TAFA4: variants seen among roughly 807,000 people sequenced by gnomAD.
TAFA4 encodes TAFA chemokine like family member 4.
In TAFA4, 20 loss-of-function variants were observed where a neutral mutation model predicts 21.1. The observed-to-expected ratio is 0.95, with a 90% confidence interval of 0.67 to 1.38. TAFA4 has a LOEUF of 1.38. Ranked by LOEUF, TAFA4 falls within the 40% of genes most tolerant of loss-of-function variation. TAFA4 has a pLI of 0.00. For synonymous variants in TAFA4, 71 were observed against 67.4 expected, an observed-to-expected ratio of 1.05 and a Z score of -0.26; for missense variants, 211 against 180.9, an observed-to-expected ratio of 1.17 and a Z score of -0.95.
Position 68,752,997 on chromosome 3 carries a change from C to T in TAFA4, c.152G>A (p.Gly51Glu). 6.2e-7 allele frequency: 1 copy of T among 1,613,656 alleles called. No individual in the cohort carries two copies. Among genetic ancestry groups the T allele is most frequent in the East Asian group, 2.2e-5 (1 of 44,838 alleles). The change falls in exon 4 of 6, where the codon GGG becomes GAG. Residue 51 changes from glycine (G) to glutamate (E), a missense_variant. Physicochemically the swap from Gly to Glu is moderately conservative, Grantham distance 98. Transcript: ENST00000295569. ...GHAGHHQIKQ[G>E]TCEVVAVHRC... ...GTGCACGGCGACCACCTCACAGGTC[C>T]CTTGCTTGATTTGGTGGTGACCTAG...
intron 3 of TAFA4, among the ~76,000 whole-genome samples, chr3:68,806,793 C>A (rs565274015): frequency 6.6e-6 from 1 of 152,112 alleles, no homozygotes; most frequent in South Asian, 2.1e-4. Flanking sequence ...GAGAAAAAAA[C>A]AAGAAGTCTG....
At chr3:68,846,302 G>A (rs368281618) in intron 3 of TAFA4, among the ~76,000 whole-genome samples, 29 of 151,720 alleles carry the variant, frequency 1.9e-4, no homozygotes, top group Middle Eastern at 6.8e-3. Flanking sequence ...CTGCTTGATT[G>A]ATTCAGCTAT....
intron 3 of TAFA4, among the ~76,000 whole-genome samples, chr3:68,798,722 G>C (rs1703507100): frequency 2.0e-5 from 3 of 152,224 alleles, no homozygotes; most frequent in African/African-American, 4.8e-5. Flanking sequence ...GATATATTCG[G>C]AGTTGAGCTA....
chr3:68,825,241 C>T (rs1374084364), intron 3 of TAFA4, among the ~76,000 whole-genome samples: 1 of 152,122 alleles, frequency 6.6e-6, no homozygotes, highest in South Asian at 2.1e-4. Context: ...TTTTTCTGTT[C>T]CTGTGTTAGT....
At chr3:68,740,825 T>C (rs1024910804) in intron 4 of TAFA4, among the ~76,000 whole-genome samples, 1 of 152,222 alleles carries the variant, frequency 6.6e-6, no homozygotes. Context: ...CTTTTCCATG[T>C]GGTTTAAGTC....
At chr3:68,882,787 C>T (rs1305945943) in intron 2 of TAFA4, among the ~76,000 whole-genome samples, 2 of 152,174 alleles carry the variant, frequency 1.3e-5, no homozygotes. Flanking sequence ...TTCTTTGCCA[C>T]CTTTCAAGCT....
intron 1 of TAFA4, among the ~76,000 whole-genome samples, chr3:68,913,093 G>C (rs1357792174): frequency 6.6e-6 from 1 of 152,186 alleles, no homozygotes; most frequent in African/African-American, 2.4e-5. Context: ...ACTTTCAGCT[G>C]CTAATTCATT....
intron 3 of TAFA4, among the ~76,000 whole-genome samples, chr3:68,871,538 G>C (rs948880406): frequency 8.5e-5 from 13 of 152,052 alleles, no homozygotes; most frequent in Admixed American, 7.9e-4. Flanking sequence ...TTTTTAGTAA[G>C]ACTTTGAAAG....
Position 68,803,797 on chromosome 3 carries a change from C to CTTTTTTTTTTTTTT in TAFA4, c.131-50793_131-50780dup, listed in dbSNP as rs386396961. On this transcript the variant is annotated intron_variant, in intron 3 of 5. Transcript: ENST00000295569. ...TTTAAGGGTCTCTACATCTCTGATT[C>CTTTTTTTTTTTTTT]TTTTTTTTTTTTTTTTTTTTTTTGT... Among the ~76,000 whole-genome samples the CTTTTTTTTTTTTTT allele has an allele frequency of 4.5e-4, 37 of 81,594 alleles. 2 individuals carry two copies. The highest frequency in any genetic ancestry group is 9.2e-4 in the East Asian group (2 of 2,170). 53.5% of individuals were successfully genotyped at this position (81,594 alleles called of 152,430 possible).
chr3:68,794,741 T>C (rs1703423393), intron 3 of TAFA4, among the ~76,000 whole-genome samples: 1 of 152,112 alleles, frequency 6.6e-6, no homozygotes, highest in Non-Finnish European at 1.5e-5. Context: ...ATACACTCCA[T>C]ACCTCAGAAA....
chr3:68,739,859 A>G (rs1702316747), intron 4 of TAFA4, among the ~76,000 whole-genome samples: 1 of 152,214 alleles, frequency 6.6e-6, no homozygotes, highest in Non-Finnish European at 1.5e-5. Flanking sequence ...AACAACAGAA[A>G]TTGGAGACTT....
At chr3:68,877,115 T>G (rs112210183) in intron 3 of TAFA4, among the ~76,000 whole-genome samples, 1 of 151,960 alleles carries the variant, frequency 6.6e-6, no homozygotes, top group African/African-American at 2.4e-5. Flanking sequence ...TCCCAGCACT[T>G]TGGGAGGCCG....
intron 3 of TAFA4, among the ~76,000 whole-genome samples, chr3:68,817,262 C>T (rs937637800): frequency 6.6e-6 from 1 of 152,160 alleles, no homozygotes; most frequent in Non-Finnish European, 1.5e-5. Flanking sequence ...CCGTAAGAAG[C>T]AACCCCTCAT....
intron 3 of TAFA4, among the ~76,000 whole-genome samples, chr3:68,809,673 C>T (rs748644249): frequency 5.3e-5 from 8 of 151,714 alleles, no homozygotes; most frequent in Middle Eastern, 3.4e-3. Flanking sequence ...GTTTTTTCTT[C>T]TAGCAGTTTT....
chr3:68,808,410 T>TA (rs1703751182), intron 3 of TAFA4, among the ~76,000 whole-genome samples: 1 of 152,240 alleles, frequency 6.6e-6, no homozygotes, highest in African/African-American at 2.4e-5. Flanking sequence ...CTTCATCTTA[T>TA]GCAAAAGCTT....
Position 68,741,795 on chromosome 3 carries a change from AAAAAAT to A in TAFA4, c.287-2602_287-2597del, listed in dbSNP as rs569363570. 6.1e-3 allele frequency among the ~76,000 whole-genome samples: 928 copies of A among 152,232 alleles called. 2 individuals are homozygous for A. Among genetic ancestry groups the A allele is most frequent in the Admixed American group, 8.2e-3 (126 of 15,284 alleles). On this transcript the variant is annotated intron_variant, in intron 4 of 5. Coordinates refer to ENST00000295569, the MANE Select transcript of TAFA4 (RefSeq NM_182522.5). ...TGACAGAGCAAGACTCCATCTCAAA[AAAAAAT>A]AAAAATAAAAATAAAAACTCTCCAC... is the stretch of plus-strand genomic sequence containing the variant.
chr3:68,816,886 A>G (rs895208901), intron 3 of TAFA4, among the ~76,000 whole-genome samples: 1 of 150,158 alleles, frequency 6.7e-6, no homozygotes, highest in Non-Finnish European at 1.5e-5. Context: ...AATGCTAACA[A>G]TAATTTGAGC....
At chr3:68,793,248 C>G (rs997038111) in intron 3 of TAFA4, among the ~76,000 whole-genome samples, 15 of 152,086 alleles carry the variant, frequency 9.9e-5, no homozygotes, top group African/African-American at 3.6e-4. Flanking sequence ...CCAACATTTA[C>G]TAAATAGAAA....
intron 3 of TAFA4, among the ~76,000 whole-genome samples, chr3:68,856,171 T>G (rs1041484160): frequency 1.3e-5 from 2 of 152,124 alleles, no homozygotes; most frequent in African/African-American, 4.8e-5. Context: ...TCCATGCAGA[T>G]GAACACAACC....
Sources: gnomAD v4.1 joint callset for allele counts (sites outside exome capture counted in the v4.1 genomes callset) on GRCh38, gnomAD v4.1.1 for gene constraint, MANE v1.5 for transcripts, NCBI Gene and HGNC (gene_info 2026-07-23, HGNC 2026-07-21) for gene names.